Variants in GPC6 observed in about 807,000 individuals in gnomAD.
GPC6 encodes the protein glypican-6.
Under a neutral mutation model 55.2 loss-of-function variants are expected in GPC6, and 14 were observed. That is an observed-to-expected ratio of 0.25 (90% confidence interval 0.17 to 0.40). GPC6 has a LOEUF of 0.40. Ranked by LOEUF, GPC6 falls within the 10% of genes least tolerant of loss-of-function variation. The pLI is 1.00. For synonymous variants in GPC6, 278 were observed against 259.6 expected, an observed-to-expected ratio of 1.07 and a Z score of -0.68; for missense variants, 641 against 708.5, an observed-to-expected ratio of 0.90 and a Z score of 1.08.
intron 6 of GPC6, among the ~76,000 whole-genome samples, chr13:94,321,615 G>A (rs1163747028): frequency 6.6e-6 from 1 of 152,180 alleles, no homozygotes; most frequent in Non-Finnish European, 1.5e-5. Context: ...TTAGAGCAGA[G>A]CATTGGAACG....
intron 6 of GPC6, among the ~76,000 whole-genome samples, chr13:94,342,118 T>C (rs1268098820): frequency 6.6e-6 from 1 of 152,232 alleles, no homozygotes; most frequent in Admixed American, 6.5e-5. Context: ...CCCAGATGCT[T>C]CTTCTCACTA....
intron 1 of GPC6, among the ~76,000 whole-genome samples, chr13:93,428,641 A>G (rs1263622425): frequency 1.3e-5 from 2 of 152,104 alleles, no homozygotes; most frequent in Non-Finnish European, 2.9e-5. Flanking sequence ...TACATTCTTA[A>G]ATATGTTCTG....
chr13:94,264,358 C>T (rs938814879), intron 4 of GPC6, among the ~76,000 whole-genome samples: 2 of 152,182 alleles, frequency 1.3e-5, no homozygotes, highest in Non-Finnish European at 2.9e-5. Flanking sequence ...GTGACAAGGT[C>T]AGAAGTTTGT....
intron 1 of GPC6, among the ~76,000 whole-genome samples, chr13:93,429,286 C>A (rs1877267508): frequency 6.6e-6 from 1 of 152,016 alleles, no homozygotes; most frequent in South Asian, 2.1e-4. Context: ...AAAAAAAAAT[C>A]CCTCCTTAAT....
chr13:93,290,946 T>C (rs904923426), intron 1 of GPC6, among the ~76,000 whole-genome samples: 1 of 152,154 alleles, frequency 6.6e-6, no homozygotes, highest in African/African-American at 2.4e-5. Context: ...TGTCTCATAA[T>C]GGTGATTTTT....
intron 1 of GPC6, among the ~76,000 whole-genome samples, chr13:93,285,084 A>G (rs1878066266): frequency 6.6e-6 from 1 of 152,176 alleles, no homozygotes; most frequent in Admixed American, 6.5e-5. Flanking sequence ...GGAAGCCACC[A>G]GGATTGGGAC....
intron 4 of GPC6, among the ~76,000 whole-genome samples, chr13:94,245,856 G>A (rs1301511682): frequency 6.6e-6 from 1 of 152,022 alleles, no homozygotes; most frequent in Non-Finnish European, 1.5e-5. Context: ...ATACCTTTGT[G>A]AGGTGATTAT....
At chr13:93,973,053 G>A (rs959859155) in intron 3 of GPC6, among the ~76,000 whole-genome samples, 3 of 152,008 alleles carry the variant, frequency 2.0e-5, no homozygotes, top group Non-Finnish European at 4.4e-5. Flanking sequence ...CACTACAGGT[G>A]TACCTTGCTT....
chr13:93,518,007 T>C (rs1305895720), intron 1 of GPC6, among the ~76,000 whole-genome samples: 4 of 151,958 alleles, frequency 2.6e-5, no homozygotes, highest in Non-Finnish European at 5.9e-5. Flanking sequence ...GTATATGTAG[T>C]AAAACTGTAA....
the GPC6 span, among the ~76,000 whole-genome samples, chr13:93,220,195 C>T: frequency 2.0e-5 from 3 of 152,136 alleles, no homozygotes; most frequent in Non-Finnish European, 4.4e-5. Context: ...GTTCCATTGA[C>T]GAAAGTTAGC....
chr13:93,560,950 C>A (rs1490384533), intron 2 of GPC6, among the ~76,000 whole-genome samples: 1 of 152,100 alleles, frequency 6.6e-6, no homozygotes. Flanking sequence ...TTTTAAGCCT[C>A]TTTCTTATGT....
At chr13:93,287,401 G>A (rs865835073) in intron 1 of GPC6, among the ~76,000 whole-genome samples, 2 of 152,156 alleles carry the variant, frequency 1.3e-5, no homozygotes. Flanking sequence ...GGGTGAGGCC[G>A]ATTCTCGCAG....
intron 2 of GPC6, among the ~76,000 whole-genome samples, chr13:93,577,779 GTC>G (rs2139483943): frequency 6.6e-6 from 1 of 152,108 alleles, no homozygotes; most frequent in South Asian, 2.1e-4. Flanking sequence ...GGACATCCTT[GTC>G]TTGTTCCAGA....
chr13:93,951,726 A>G (rs547163134), intron 3 of GPC6, among the ~76,000 whole-genome samples: 1 of 152,294 alleles, frequency 6.6e-6, no homozygotes, highest in Admixed American at 6.5e-5. Context: ...GATTAACGTT[A>G]GGTAATAATC....
chr13:93,276,682 G>GT (rs1313606311), intron 1 of GPC6, among the ~76,000 whole-genome samples: 1 of 151,968 alleles, frequency 6.6e-6, no homozygotes, highest in African/African-American at 2.4e-5. Context: ...GACGGAGGTG[G>GT]TGCATGGAGC....
intron 2 of GPC6, among the ~76,000 whole-genome samples, chr13:93,572,708 A>C (rs1876466329): frequency 6.6e-6 from 1 of 152,192 alleles, no homozygotes; most frequent in African/African-American, 2.4e-5. Context: ...TTGAATAAGC[A>C]GTCTTTTGTA....
At chr13:93,557,137 A>G (rs955840792) in intron 2 of GPC6, among the ~76,000 whole-genome samples, 8 of 152,240 alleles carry the variant, frequency 5.3e-5, no homozygotes, top group Non-Finnish European at 1.2e-4. Flanking sequence ...TTCTGAAAAA[A>G]TAAAATAAAT....
intron 2 of GPC6, among the ~76,000 whole-genome samples, chr13:93,634,284 A>G (rs1879601124): frequency 6.6e-6 from 1 of 152,218 alleles, no homozygotes; most frequent in African/African-American, 2.4e-5. Flanking sequence ...TCCAGAACAG[A>G]CATTAGTGAC....
chr13:94,277,652 T>A (rs1892255381), intron 4 of GPC6, among the ~76,000 whole-genome samples: 1 of 152,214 alleles, frequency 6.6e-6, no homozygotes, highest in South Asian at 2.1e-4. Context: ...TGCATGTGGC[T>A]AGCCAGTTTT....
Sources: gnomAD v4.1 joint callset for allele counts (sites outside exome capture counted in the v4.1 genomes callset) on GRCh38, gnomAD v4.1.1 for gene constraint, MANE v1.5 for transcripts, NCBI Gene and HGNC (gene_info 2026-07-23, HGNC 2026-07-21) for gene names.